GPC6: variants seen among roughly 807,000 people sequenced by gnomAD.
GPC6 encodes glypican 6.
GPC6 carries 14 observed loss-of-function variants against 55.2 expected under a neutral mutation model. The ratio of observed to expected loss-of-function variants is 0.25; its 90% CI spans 0.17 to 0.40. GPC6 has a LOEUF of 0.40. Ranked by LOEUF, GPC6 falls within the 10% of genes least tolerant of loss-of-function variation. The probability of loss-of-function intolerance (pLI) is 1.00; values close to 1 mark genes in which losing one functional copy is unlikely to be tolerated. For synonymous variants in GPC6, 278 were observed against 259.6 expected, an observed-to-expected ratio of 1.07 and a Z score of -0.68; for missense variants, 641 against 708.5, an observed-to-expected ratio of 0.90 and a Z score of 1.08.
intron 1 of GPC6, among the ~76,000 whole-genome samples, chr13:93,531,033 A>T (rs1298962078): frequency 1.3e-5 from 2 of 152,152 alleles, no homozygotes; most frequent in African/African-American, 4.8e-5. Flanking sequence ...ACTGACGGAT[A>T]CTGAAAAGGG....
chr13:94,371,533 G>T (rs966292830), intron 6 of GPC6, among the ~76,000 whole-genome samples: 48 of 152,216 alleles, frequency 3.2e-4, no homozygotes, highest in African/African-American at 1.1e-3. Flanking sequence ...AGGGTGTAAT[G>T]ATAATATTTT....
At chr13:94,299,658 T>C (rs1875538454) in intron 5 of GPC6, among the ~76,000 whole-genome samples, 1 of 152,236 alleles carries the variant, frequency 6.6e-6, no homozygotes, top group Non-Finnish European at 1.5e-5. Context: ...CCTCGCCAGA[T>C]ACCAAATCTG....
intron 3 of GPC6, among the ~76,000 whole-genome samples, chr13:93,941,003 T>G (rs1334999885): frequency 1.3e-5 from 2 of 152,330 alleles, no homozygotes; most frequent in East Asian, 3.9e-4. Context: ...CAAAAAAGTT[T>G]TTGGCACATA....
At chr13:93,714,392 C>T (rs1594394108) in intron 2 of GPC6, among the ~76,000 whole-genome samples, 1 of 151,902 alleles carries the variant, frequency 6.6e-6, no homozygotes, top group East Asian at 1.9e-4. Context: ...GATACCATCT[C>T]ACACCAGTCA....
chr13:93,774,655 A>T (rs1461407054), intron 2 of GPC6, among the ~76,000 whole-genome samples: 1 of 152,164 alleles, frequency 6.6e-6, no homozygotes, highest in Admixed American at 6.5e-5. Context: ...AGTTAACACA[A>T]AGGCATATGT....
intron 1 of GPC6, among the ~76,000 whole-genome samples, chr13:93,462,662 A>G (rs1878737841): frequency 6.6e-6 from 1 of 152,072 alleles, no homozygotes; most frequent in East Asian, 1.9e-4. Context: ...CTAAGGAATA[A>G]AAAAGAAATG....
At chr13:94,373,377 A>G in intron 6 of GPC6, among the ~76,000 whole-genome samples, 1 of 152,118 alleles carries the variant, frequency 6.6e-6, no homozygotes, top group East Asian at 1.9e-4. Flanking sequence ...AAAGGAGCTG[A>G]TGGAGCTGAA....
intron 1 of GPC6, among the ~76,000 whole-genome samples, chr13:93,397,950 G>A (rs1407913981): frequency 6.6e-6 from 1 of 151,972 alleles, no homozygotes; most frequent in Non-Finnish European, 1.5e-5. Flanking sequence ...TATCTGAAAG[G>A]GATTATATGA....
At chr13:93,695,077 T>C (rs1310819390) in intron 2 of GPC6, among the ~76,000 whole-genome samples, 1 of 152,116 alleles carries the variant, frequency 6.6e-6, no homozygotes, top group Non-Finnish European at 1.5e-5. Flanking sequence ...AAAAGAATAA[T>C]CAAGCTTGTT....
chr13:93,489,749 C>G (rs1194977134), intron 1 of GPC6, among the ~76,000 whole-genome samples: 1 of 151,216 alleles, frequency 6.6e-6, no homozygotes, highest in Non-Finnish European at 1.5e-5. Context: ...AATGGGAGTT[C>G]ACTCATGATT....
At chr13:93,653,975 A>G (rs990554553) in intron 2 of GPC6, among the ~76,000 whole-genome samples, 20 of 152,140 alleles carry the variant, frequency 1.3e-4, no homozygotes, top group African/African-American at 3.4e-4. Flanking sequence ...ACTCATTCCA[A>G]TGTTTTATCA....
intron 2 of GPC6, among the ~76,000 whole-genome samples, chr13:93,723,142 C>T (rs1332399374): frequency 1.3e-5 from 2 of 151,918 alleles, no homozygotes; most frequent in Admixed American, 6.6e-5. Flanking sequence ...TATAAGGATG[C>T]TTTACTTTTT....
intron 3 of GPC6, among the ~76,000 whole-genome samples, chr13:93,926,035 A>G (rs1031086223): frequency 1.3e-5 from 2 of 152,296 alleles, no homozygotes; most frequent in Admixed American, 6.5e-5. Context: ...TAGATATCAG[A>G]GTAGTTGAAC....
At chr13:93,914,427 A>G (rs948979412) in intron 3 of GPC6, among the ~76,000 whole-genome samples, 10 of 152,318 alleles carry the variant, frequency 6.6e-5, no homozygotes, top group Middle Eastern at 3.4e-3. Context: ...ATAGTATTCC[A>G]TAGTGTATAT....
At chr13:93,372,759 C>T (rs1874724341) in intron 1 of GPC6, among the ~76,000 whole-genome samples, 1 of 152,030 alleles carries the variant, frequency 6.6e-6, no homozygotes, top group Admixed American at 6.6e-5. Context: ...TTGGTTGAAG[C>T]TTTATAATAT....
At chr13:94,334,134 A>T (rs1366186655) in intron 6 of GPC6, among the ~76,000 whole-genome samples, 1 of 152,230 alleles carries the variant, frequency 6.6e-6, no homozygotes, top group African/African-American at 2.4e-5. Context: ...TTACCTAGAA[A>T]GAGCCAGAGG....
chr13:93,570,194 C>T (rs1489151667), intron 2 of GPC6, among the ~76,000 whole-genome samples: 1 of 152,124 alleles, frequency 6.6e-6, no homozygotes, highest in Non-Finnish European at 1.5e-5. Flanking sequence ...GCAGTTATGT[C>T]TGAAAGAAGT....
At chr13:94,273,789 GTTC>G (rs1217122283) in intron 4 of GPC6, among the ~76,000 whole-genome samples, 3 of 152,112 alleles carry the variant, frequency 2.0e-5, no homozygotes, top group African/African-American at 4.8e-5. Context: ...CATACACAGA[GTTC>G]TTCTCTCAGA....
intron 2 of GPC6, among the ~76,000 whole-genome samples, chr13:93,585,266 TC>T (rs1465528224): frequency 1.3e-5 from 2 of 152,194 alleles, no homozygotes; most frequent in Non-Finnish European, 2.9e-5. Context: ...AATCTCTTTT[TC>T]TCAGGAAAGT....
Sources: allele counts gnomAD v4.1 joint callset (sites outside exome capture counted in the v4.1 genomes callset), GRCh38; gene constraint gnomAD v4.1.1; transcripts MANE v1.5; gene names NCBI Gene and HGNC (gene_info 2026-07-23, HGNC 2026-07-21).